PIK3R3: variants seen among roughly 807,000 people sequenced by gnomAD.
PIK3R3 encodes phosphatidylinositol 3-kinase regulatory subunit gamma.
In PIK3R3, 64 loss-of-function variants were observed where a neutral mutation model predicts 62.9. That is an observed-to-expected ratio of 1.02 (90% CI 0.83 to 1.25). The LOEUF (loss-of-function observed/expected upper bound fraction) is 1.25. Ranked by LOEUF, PIK3R3 falls within the 50% of genes most tolerant of loss-of-function variation. PIK3R3 has a pLI of 0.00. For missense variants in PIK3R3, 614 were observed against 561.6 expected, an observed-to-expected ratio of 1.09 and a Z score of -0.94; for synonymous variants, 165 against 189.0, an observed-to-expected ratio of 0.87 and a Z score of 1.04.
At chr1:46,057,500 A>T (rs901201535) in intron 6 of PIK3R3, 35 of 152,550 alleles carry the variant, frequency 2.3e-4, no homozygotes, top group African/African-American at 7.0e-4. Context: ...AATGTGGGAA[A>T]GTTTGGAACT....
At chr1:46,134,840 T>C (rs1437378088), upstream of PIK3R3, among the ~76,000 whole-genome samples, 1 of 152,206 alleles carries the variant, frequency 6.6e-6, no homozygotes, top group Non-Finnish European at 1.5e-5. Flanking sequence ...ACCCAGGCTT[T>C]TCCCACAGCT....
chr1:46,142,834 C>A, the PIK3R3 span, among the ~76,000 whole-genome samples: 1 of 152,070 alleles, frequency 6.6e-6, no homozygotes, highest in African/African-American at 2.4e-5. Flanking sequence ...GGAATGTGTA[C>A]TTTATGCTCA....
chr1:46,095,235 GC>G (rs1218982377), intron 1 of PIK3R3, among the ~76,000 whole-genome samples: 1 of 152,110 alleles, frequency 6.6e-6, no homozygotes, highest in Non-Finnish European at 1.5e-5. Flanking sequence ...CAATCTAAAT[GC>G]CCATCAATGA....
At chr1:46,127,092 T>C (rs1655158936) in intron 1 of PIK3R3, among the ~76,000 whole-genome samples, 1 of 150,392 alleles carries the variant, frequency 6.6e-6, no homozygotes, top group South Asian at 2.1e-4. Context: ...CCCAGCATTT[T>C]GGGAGGCTGA....
chr1:46,109,699 G>C (rs1009405890), intron 1 of PIK3R3, among the ~76,000 whole-genome samples: 1 of 152,030 alleles, frequency 6.6e-6, no homozygotes. Flanking sequence ...GGCCAGGCTG[G>C]TCTCGAACTT....
chr1:46,070,029 T>C (rs1649344296), intron 3 of PIK3R3, among the ~76,000 whole-genome samples: 1 of 151,974 alleles, frequency 6.6e-6, no homozygotes. Flanking sequence ...TGAAAGAAGA[T>C]AGAAATGCCC....
At chr1:46,105,204 T>A in intron 1 of PIK3R3, 1 of 502,638 alleles carries the variant, frequency 2.0e-6, no homozygotes, top group Non-Finnish European at 3.6e-6. Context: ...TACTGAATTG[T>A]TTAAAAAACA....
At chr1:46,155,936 GTATT>G in the PIK3R3 span, among the ~76,000 whole-genome samples, 4 of 152,106 alleles carry the variant, frequency 2.6e-5, no homozygotes, top group African/African-American at 9.7e-5. Flanking sequence ...GCAGATCTGA[GTATT>G]TATAACAGAA....
chr1:46,061,813 G>T, intron 6 of PIK3R3, 116 bp downstream of exon 6: 1 of 909,398 alleles, frequency 1.1e-6, no homozygotes, highest in Non-Finnish European at 1.8e-6. Flanking sequence ...ACAGCAAGTG[G>T]TTCCAATAGT....
intron 1 of PIK3R3, among the ~76,000 whole-genome samples, chr1:46,083,141 T>C (rs939657473): frequency 6.6e-6 from 1 of 152,128 alleles, no homozygotes; most frequent in Non-Finnish European, 1.5e-5. Flanking sequence ...GATGTCAAAA[T>C]AATTCAATGA....
the PIK3R3 span, among the ~76,000 whole-genome samples, chr1:46,164,718 T>C: frequency 6.6e-6 from 1 of 152,212 alleles, no homozygotes; most frequent in African/African-American, 2.4e-5. Context: ...ACCTCGTCTC[T>C]TTCTACTTCC....
intron 1 of PIK3R3, among the ~76,000 whole-genome samples, chr1:46,104,606 T>C (rs1313597568): frequency 1.3e-5 from 2 of 152,044 alleles, no homozygotes; most frequent in African/African-American, 2.4e-5. Flanking sequence ...CAGTTCTATC[T>C]TCACCTTCAC....
intron 3 of PIK3R3, among the ~76,000 whole-genome samples, chr1:46,071,417 T>A (rs1394154963): frequency 2.0e-5 from 3 of 151,706 alleles, no homozygotes; most frequent in Admixed American, 1.3e-4. Context: ...TCAACATCTA[T>A]CCCCGCGGTA....
chr1:46,061,920 T>G lies in PIK3R3; in HGVS notation c.764+9A>C. On this transcript the variant is annotated intron_variant, in intron 6 of 9. Transcript: ENST00000262741. ...CACTGATGCCCTTGGAGGTACTAAG[T>G]AGACTTACCGTTCAATCTCCTTTTC... 9 of 1,611,220 alleles carry G rather than the reference T, an allele frequency of 5.6e-6. No homozygotes were observed. Among genetic ancestry groups the G allele is most frequent in the African/African-American group, 1.3e-5 (1 of 74,982 alleles).
intron 1 of PIK3R3, among the ~76,000 whole-genome samples, chr1:46,095,679 CA>C (rs1652055303): frequency 6.6e-6 from 1 of 152,044 alleles, no homozygotes; most frequent in African/African-American, 2.4e-5. Flanking sequence ...AGGAAAAAAA[CA>C]ATTAGAAGGG....
chr1:46,056,347 A>G (rs894945288), intron 6 of PIK3R3: 2 of 163,100 alleles, frequency 1.2e-5, no homozygotes, highest in Non-Finnish European at 2.6e-5. Context: ...CATTGCACCC[A>G]GTGAGGTCCT....
intron 1 of PIK3R3, among the ~76,000 whole-genome samples, chr1:46,087,558 T>C (rs1571454552): frequency 6.6e-6 from 1 of 150,822 alleles, no homozygotes; most frequent in African/African-American, 2.4e-5. Context: ...AAAATACAGA[T>C]ATTCTAGGGT....
At chr1:46,160,112 T>A in the PIK3R3 span, among the ~76,000 whole-genome samples, 1 of 152,218 alleles carries the variant, frequency 6.6e-6, no homozygotes, top group Admixed American at 6.5e-5. Flanking sequence ...GTTATTCTTA[T>A]CCTTTGTCTT....
chr1:46,071,730 T>TATAGAGAGAGAGAGAGAGAG (rs1163343399), intron 3 of PIK3R3, among the ~76,000 whole-genome samples: 1 of 59,046 alleles, frequency 1.7e-5, no homozygotes, highest in African/African-American at 7.9e-5. Flanking sequence ...TATATATATA[T>TATAGAGAGAGAGAGAGAGAG]AGAGAGAGAG....
Sources: gnomAD v4.1 joint callset for allele counts (sites outside exome capture counted in the v4.1 genomes callset) on GRCh38, gnomAD v4.1.1 for gene constraint, MANE v1.5 for transcripts, NCBI Gene and HGNC (gene_info 2026-07-23, HGNC 2026-07-21) for gene names.